The following KCNMA1 variants were observed in gnomAD, a reference collection of about 807,000 sequenced individuals.
KCNMA1 encodes the protein Calcium-activated potassium channel subunit alpha-1.
Under a neutral mutation model 140.0 loss-of-function variants are expected in KCNMA1, and 29 were observed. The observed-to-expected ratio is 0.21, with a 90% CI of 0.15 to 0.28. The LOEUF (loss-of-function observed/expected upper bound fraction) is 0.28. Among genes scored for constraint, KCNMA1 ranks in the 10% least tolerant of loss-of-function variants. KCNMA1 has a pLI of 1.00. For missense variants in KCNMA1, 880 were observed against 1,602.2 expected (o/e 0.55, Z 7.70); for synonymous variants, 612 against 611.9 (o/e 1.00, Z 0.00).
intron 2 of KCNMA1, among the ~76,000 whole-genome samples, chr10:77,377,718 G>C (rs2095216382): frequency 6.6e-6 from 1 of 152,174 alleles, no homozygotes; most frequent in Admixed American, 6.5e-5. Flanking sequence ...ACTGCCTCAG[G>C]AGATATCCCT....
downstream of KCNMA1, chr10:76,875,598 C>G (rs1309273101): frequency 6.6e-6 from 1 of 152,052 alleles, no homozygotes; most frequent in African/African-American, 2.4e-5. Context: ...TATGTGGCCA[C>G]CACAGCCTGC....
chr10:77,504,662 T>C (rs1437182820), intron 1 of KCNMA1, among the ~76,000 whole-genome samples: 1 of 152,116 alleles, frequency 6.6e-6, no homozygotes, highest in Non-Finnish European at 1.5e-5. Flanking sequence ...CAATCATAGC[T>C]CATTGCACTA....
chr10:77,307,525 A>G (rs2078094186), intron 2 of KCNMA1, among the ~76,000 whole-genome samples: 1 of 152,190 alleles, frequency 6.6e-6, no homozygotes, highest in Non-Finnish European at 1.5e-5. Flanking sequence ...TGTTCTGAGC[A>G]CATTTAAGGT....
chr10:77,636,683 C>T, intron 1 of KCNMA1: 19 of 1,532,300 alleles, frequency 1.2e-5, no homozygotes, highest in Non-Finnish European at 1.7e-5. Flanking sequence ...TTCTCTCGCC[C>T]CTCGAAGTCC....
chr10:77,291,664 T>C (rs986861333), intron 2 of KCNMA1, among the ~76,000 whole-genome samples: 1 of 152,084 alleles, frequency 6.6e-6, no homozygotes, highest in Non-Finnish European at 1.5e-5. Context: ...AAAATCAACA[T>C]AGAGAGGCTG....
chr10:77,254,313 C>A (rs755438095), intron 2 of KCNMA1, among the ~76,000 whole-genome samples: 1 of 151,694 alleles, frequency 6.6e-6, no homozygotes, highest in Non-Finnish European at 1.5e-5. Flanking sequence ...CCTCTGCCTC[C>A]CAGGTTCAAG....
chr10:77,037,524 C>A (rs1288927130), intron 15 of KCNMA1, among the ~76,000 whole-genome samples: 6 of 152,076 alleles, frequency 3.9e-5, no homozygotes, highest in African/African-American at 1.2e-4. Flanking sequence ...TTCAAGTTAC[C>A]CATAAGAGGA....
At chr10:77,636,270 T>C (rs2154571879) in intron 1 of KCNMA1, 3 of 1,447,694 alleles carry the variant, frequency 2.1e-6, no homozygotes, top group Non-Finnish European at 1.8e-6. Context: ...AGCCAGTGGC[T>C]GTGGGGAAGG....
intron 1 of KCNMA1, among the ~76,000 whole-genome samples, chr10:77,413,054 C>T (rs996244508): frequency 6.6e-6 from 1 of 152,062 alleles, no homozygotes. Context: ...GACAGGGTTT[C>T]ACCATGTTGG....
chr10:77,425,656 T>A lies in KCNMA1; in HGVS notation c.379-21633A>T, dbSNP rs550515784. ...CCAGCCTTGTCCAGGTGGCAGGACT[T>A]CTGCTGCTGACAACAGGGCTGTGAT... On this transcript the variant is annotated intron_variant, in intron 1 of 27. Coordinates refer to ENST00000286628, the MANE Select transcript of KCNMA1 (RefSeq NM_001161352.2). Among the ~76,000 whole-genome samples, 20 of 152,322 alleles carry A rather than the reference T, an allele frequency of 1.3e-4. 1 individual carries two copies. The South Asian group carries it at 4.1e-3, about 32-fold the overall frequency.
At chr10:77,271,274 T>C (rs1038617152) in intron 2 of KCNMA1, among the ~76,000 whole-genome samples, 9 of 152,226 alleles carry the variant, frequency 5.9e-5, no homozygotes, top group South Asian at 2.1e-4. Flanking sequence ...GTGGGTACCA[T>C]ACTGGGCAGA....
At chr10:77,191,947 G>A (rs2098941847) in intron 3 of KCNMA1, among the ~76,000 whole-genome samples, 1 of 152,056 alleles carries the variant, frequency 6.6e-6, no homozygotes, top group South Asian at 2.1e-4. Flanking sequence ...GAAGAGATGT[G>A]ATCCAATAGC....
At chr10:77,363,867 C>A (rs1051018693) in intron 2 of KCNMA1, among the ~76,000 whole-genome samples, 1 of 152,320 alleles carries the variant, frequency 6.6e-6, no homozygotes, top group East Asian at 1.9e-4. Flanking sequence ...CCCACTCCTG[C>A]CCCCTTCTCT....
intron 1 of KCNMA1, among the ~76,000 whole-genome samples, chr10:77,422,841 A>G (rs999495940): frequency 6.6e-6 from 1 of 152,222 alleles, no homozygotes; most frequent in Admixed American, 6.5e-5. Context: ...GCAAGGAAGG[A>G]GAAACCCTAC....
At chr10:76,948,562 A>C (rs1029738827) in intron 22 of KCNMA1, among the ~76,000 whole-genome samples, 3 of 152,188 alleles carry the variant, frequency 2.0e-5, no homozygotes, top group Non-Finnish European at 4.4e-5. Context: ...AATGTTTTGC[A>C]GTCAAGAATA....
At chr10:77,624,860 A>T (rs1471104258) in intron 1 of KCNMA1, among the ~76,000 whole-genome samples, 1 of 151,940 alleles carries the variant, frequency 6.6e-6, no homozygotes, top group Non-Finnish European at 1.5e-5. Context: ...TCTGCTCTCA[A>T]TGTGGGCAGG....
intron 1 of KCNMA1, among the ~76,000 whole-genome samples, chr10:77,576,073 C>G (rs1400985553): frequency 6.6e-6 from 1 of 152,226 alleles, no homozygotes; most frequent in Non-Finnish European, 1.5e-5. Flanking sequence ...TAGAATAGCA[C>G]TCCTCAGTCT....
At chr10:77,238,029 C>T (rs1226670938) in intron 3 of KCNMA1, among the ~76,000 whole-genome samples, 1 of 152,166 alleles carries the variant, frequency 6.6e-6, no homozygotes, top group Non-Finnish European at 1.5e-5. Context: ...CTTCCCTGCA[C>T]CAATTAAACT....
At chr10:77,521,504 T>A (rs2154550771) in intron 1 of KCNMA1, among the ~76,000 whole-genome samples, 1 of 152,316 alleles carries the variant, frequency 6.6e-6, no homozygotes, top group South Asian at 2.1e-4. Context: ...TTGGGGCAAG[T>A]GATTTAACTG....
Sources: allele counts gnomAD v4.1 joint callset (sites outside exome capture counted in the v4.1 genomes callset), GRCh38; gene constraint gnomAD v4.1.1; transcripts MANE v1.5; gene names NCBI Gene and HGNC (gene_info 2026-07-23, HGNC 2026-07-21).